OGDH: variants seen among roughly 807,000 people sequenced by gnomAD.
OGDH encodes oxoglutarate dehydrogenase.
A neutral mutation model predicts 116.6 loss-of-function variants in OGDH; 38 were observed. That is an observed-to-expected ratio of 0.33 (90% CI 0.25 to 0.43). OGDH has a LOEUF of 0.43. Ranked by LOEUF, OGDH falls within the 20% of genes least tolerant of loss-of-function variation. The pLI, the probability that OGDH is intolerant of heterozygous loss-of-function variation, is 1.00. For missense variants in OGDH, 825 were observed against 1,357.2 expected (o/e 0.61, Z 6.16); for synonymous variants, 488 against 533.3 (o/e 0.92, Z 1.17).
chr7:44,707,200 C>T lies in OGDH; in HGVS notation c.2633-25C>T, dbSNP rs1219564810. The T allele has an allele frequency of 6.2e-7, 1 of 1,612,302 alleles. No individual in the cohort carries two copies. ...TCAGCCACATACCTGAGAGAACCAG[C>T]CTAGCCATGGGAACTCTCTTGTAGG... On this transcript the variant is annotated intron_variant, in intron 20 of 22. Coordinates refer to ENST00000222673, the MANE Select transcript of OGDH (RefSeq NM_002541.4). The surrounding 1 kb of genome is among the most constrained non-coding windows in gnomAD (Gnocchi z 5.2).
chr7:44,674,042 A>G, intron 6 of OGDH, 101 bp downstream of exon 6: 2 of 1,407,692 alleles, frequency 1.4e-6, no homozygotes, highest in Non-Finnish European at 2.0e-6. Flanking sequence ...CCGAGGTGAG[A>G]GGGGGTTTGG....
intron 8 of OGDH, 53 bp downstream of exon 8, chr7:44,675,321 C>A: frequency 3.5e-6 from 5 of 1,413,192 alleles, no homozygotes; most frequent in South Asian, 2.3e-5. Context: ...TACACAAGAC[C>A]CCTGGCTCCA....
chr7:44,633,663 T>C (rs2115609282), intron 2 of OGDH, among the ~76,000 whole-genome samples: 1 of 152,238 alleles, frequency 6.6e-6, no homozygotes, highest in South Asian at 2.1e-4. Context: ...TCTCTTTGAG[T>C]GGTCAGTCAC....
chr7:44,645,713 G>A (rs1021385505), intron 3 of OGDH, among the ~76,000 whole-genome samples, 195 bp downstream of exon 3: 1 of 152,188 alleles, frequency 6.6e-6, no homozygotes, highest in African/African-American at 2.4e-5. Flanking sequence ...CCCTATTTGA[G>A]CAAATCTCCC....
rs112958591 is a variant in OGDH, at chr7:44,691,715, C to T, written c.1336-2110C>T. 5.7e-3 allele frequency among the ~76,000 whole-genome samples: 870 copies of T among 151,902 alleles called. 9 individuals carry two copies. Among genetic ancestry groups the T allele is most frequent in the African/African-American group, 0.019 (786 of 41,446 alleles). The stretch of plus-strand genomic sequence containing the variant: ...GGGAATGGCCGGGCACAGTGGCTCA[C>T]GCCTGTAATCCCAGCACTTTGGGAG... On this transcript the variant is annotated intron_variant, in intron 10 of 22. Transcript: ENST00000222673.
chr7:44,608,609 TCAG>T (rs1411284399), intron 1 of OGDH, among the ~76,000 whole-genome samples: 2 of 151,878 alleles, frequency 1.3e-5, no homozygotes, highest in African/African-American at 4.8e-5. Context: ...TCCTCCAGCC[TCAG>T]CAGGAGGCTG....
chr7:44,651,221 GT>G (rs796411375), intron 4 of OGDH, among the ~76,000 whole-genome samples: 1 of 152,226 alleles, frequency 6.6e-6, no homozygotes, highest in African/African-American at 2.4e-5. Flanking sequence ...TCCACTCTGA[GT>G]TTTTTAATAA....
intron 1 of OGDH, among the ~76,000 whole-genome samples, chr7:44,616,650 C>T (rs1490769020): frequency 6.8e-6 from 1 of 146,910 alleles, no homozygotes; most frequent in African/African-American, 2.5e-5. Flanking sequence ...TGTATATATA[C>T]ACATATATAT....
chr7:44,623,084 C>T (rs1287559962), intron 1 of OGDH, among the ~76,000 whole-genome samples: 2 of 152,148 alleles, frequency 1.3e-5, no homozygotes, highest in Non-Finnish European at 2.9e-5. Context: ...GACCTGGCTC[C>T]CCATGGCTTA....
intron 20 of OGDH, among the ~76,000 whole-genome samples, chr7:44,703,741 CG>C: frequency 6.7e-6 from 1 of 149,826 alleles, no homozygotes; most frequent in East Asian, 2.0e-4. Flanking sequence ...ATAAACTAGC[CG>C]GGGGTGGTGG....
At chr7:44,647,827 C>T (rs1786260091) in intron 4 of OGDH, 68 bp downstream of exon 4, 5 of 1,172,616 alleles carry the variant, frequency 4.3e-6, no homozygotes, top group South Asian at 1.2e-5. Flanking sequence ...CTGTGGTAGC[C>T]AGGATGTCCA....
intron 10 of OGDH, among the ~76,000 whole-genome samples, chr7:44,691,796 G>A (rs917810107): frequency 6.6e-6 from 1 of 150,868 alleles, no homozygotes; most frequent in East Asian, 2.0e-4. Context: ...CTAACACCAT[G>A]AAACCCCATC....
intron 2 of OGDH, among the ~76,000 whole-genome samples, chr7:44,631,031 A>G (rs1283350947): frequency 2.6e-5 from 4 of 152,150 alleles, no homozygotes; most frequent in East Asian, 1.9e-4. Context: ...ACTTCCTGCT[A>G]TGCAACCCAG....
chr7:44,682,740 C>G (rs571030012), intron 10 of OGDH, among the ~76,000 whole-genome samples: 1 of 151,964 alleles, frequency 6.6e-6, no homozygotes, highest in Non-Finnish European at 1.5e-5. Context: ...GTGGTCCTAG[C>G]TACTTGGGGG....
rs201747358 is a variant in OGDH at position 44,614,834 on chromosome 7, C to CTT, written c.-28+8200_-28+8201dup. Among the ~76,000 whole-genome samples the CTT allele has an allele frequency of 2.3e-3, 255 of 111,122 alleles. 2 individuals carry two copies. The highest frequency in any genetic ancestry group is 3.1e-3 in the African/African-American group (91 of 29,682). 72.9% of individuals were successfully genotyped at this position (111,122 alleles called of 152,430 possible). ...TGAAATTATCCCGGTTCTTTTGGTT[C>CTT]TTTTTTTTTTTTTTTTTTTTGAGAT... is the stretch of plus-strand genomic sequence containing the variant. On this transcript the variant is annotated intron_variant, in intron 1 of 22. Transcript: ENST00000222673.
chr7:44,616,042 A>AC (rs989139483), intron 1 of OGDH, among the ~76,000 whole-genome samples: 2 of 151,966 alleles, frequency 1.3e-5, no homozygotes, highest in African/African-American at 4.8e-5. Flanking sequence ...GAAAAAAAAA[A>AC]AAAACCTCAA....
intron 4 of OGDH, among the ~76,000 whole-genome samples, chr7:44,652,030 T>A (rs1786470662): frequency 6.6e-6 from 1 of 152,008 alleles, no homozygotes; most frequent in South Asian, 2.1e-4. Flanking sequence ...TAACAATTTT[T>A]AAAATTAATT....
intron 2 of OGDH, among the ~76,000 whole-genome samples, chr7:44,636,351 C>G (rs1785668935): frequency 6.6e-6 from 1 of 152,202 alleles, no homozygotes. Flanking sequence ...GGAGCTTGGC[C>G]CTCAAGACTC....
chr7:44,633,567 G>A (rs1785538306), intron 2 of OGDH, among the ~76,000 whole-genome samples: 1 of 152,186 alleles, frequency 6.6e-6, no homozygotes, highest in Non-Finnish European at 1.5e-5. Context: ...AGACTCCCTT[G>A]GAGGGAGGTT....
Sources: allele counts gnomAD v4.1 joint callset (sites outside exome capture counted in the v4.1 genomes callset), GRCh38; gene constraint gnomAD v4.1.1; non-coding constraint Gnocchi (gnomAD v3.1); transcripts MANE v1.5; gene names NCBI Gene and HGNC (gene_info 2026-07-23, HGNC 2026-07-21).